The following PDE4D variants were observed in gnomAD, a reference collection of about 807,000 sequenced individuals.
PDE4D encodes the protein 3',5'-cyclic-AMP phosphodiesterase 4D.
Under a neutral mutation model 87.4 loss-of-function variants are expected in PDE4D, and 24 were observed. The ratio of observed to expected loss-of-function variants is 0.27; its 90% confidence interval spans 0.20 to 0.39. PDE4D has a LOEUF of 0.39. PDE4D is among the 10% of genes least tolerant of loss of function. The probability of loss-of-function intolerance (pLI) is 1.00; values close to 1 mark genes in which losing one functional copy is unlikely to be tolerated. For missense variants in PDE4D, 714 were observed against 1,041.0 expected, an observed-to-expected ratio of 0.69 and a Z score of 4.32; for synonymous variants, 384 against 383.2, an observed-to-expected ratio of 1.00 and a Z score of -0.02.
At chr5:60,062,931 G>A (rs986523717) in intron 2 of PDE4D, among the ~76,000 whole-genome samples, 1 of 152,018 alleles carries the variant, frequency 6.6e-6, no homozygotes, top group Admixed American at 6.6e-5. Context: ...GGGGGCACGA[G>A]GGGAGGGAGA....
intron 3 of PDE4D, among the ~76,000 whole-genome samples, chr5:59,926,481 G>A (rs971117046): frequency 9.2e-5 from 14 of 152,076 alleles, no homozygotes; most frequent in African/African-American, 1.2e-4. Context: ...AACCAAAAAC[G>A]AGCAGAAGAA....
At chr5:60,144,344 T>C (rs1780816597) in intron 2 of PDE4D, among the ~76,000 whole-genome samples, 1 of 152,318 alleles carries the variant, frequency 6.6e-6, no homozygotes, top group Middle Eastern at 3.4e-3. Flanking sequence ...AGAAATCCCA[T>C]ATTAAATGTG....
At chr5:60,364,618 A>C (rs1297640870) in intron 1 of PDE4D, among the ~76,000 whole-genome samples, 1 of 152,138 alleles carries the variant, frequency 6.6e-6, no homozygotes, top group East Asian at 1.9e-4. Context: ...TTTCTCAAGC[A>C]AAAAAATAAA....
At chr5:58,991,747 T>C (rs1352675073) in intron 8 of PDE4D, 85 bp downstream of exon 8, 7 of 883,864 alleles carry the variant, frequency 7.9e-6, no homozygotes, top group Non-Finnish European at 1.1e-5. Context: ...AATAAACTTT[T>C]CTATCCATTT....
intron 2 of PDE4D, among the ~76,000 whole-genome samples, chr5:60,024,926 C>G (rs1475741343): frequency 1.3e-5 from 2 of 151,686 alleles, no homozygotes; most frequent in Non-Finnish European, 2.9e-5. Context: ...GAAGTATCAT[C>G]AAGGTTTGTT....
chr5:59,638,036 T>A (rs1047219689), intron 1 of PDE4D, among the ~76,000 whole-genome samples: 1 of 152,216 alleles, frequency 6.6e-6, no homozygotes, highest in Non-Finnish European at 1.5e-5. Context: ...AATAAAATGA[T>A]TCATATTACT....
chr5:59,110,821 G>C (rs6898408), intron 5 of PDE4D, among the ~76,000 whole-genome samples: 42,659 of 152,060 alleles, frequency 0.28, 6,402 homozygotes, highest in Middle Eastern at 0.35. Context: ...GCAGTGAGCT[G>C]AGATGGTGCC....
At chr5:60,461,911 A>G (rs1442869470) in intron 1 of PDE4D, among the ~76,000 whole-genome samples, 1 of 152,224 alleles carries the variant, frequency 6.6e-6, no homozygotes, top group Non-Finnish European at 1.5e-5. Flanking sequence ...CATTATTCAC[A>G]TGAGAAACGT....
chr5:59,345,574 C>T (rs951653489), intron 1 of PDE4D, among the ~76,000 whole-genome samples: 3 of 152,132 alleles, frequency 2.0e-5, no homozygotes, highest in African/African-American at 7.2e-5. Context: ...GTGTGAATGG[C>T]TCACTGTTAC....
At chr5:59,782,029 G>A (rs1764689735) in intron 1 of PDE4D, among the ~76,000 whole-genome samples, 1 of 152,086 alleles carries the variant, frequency 6.6e-6, no homozygotes, top group Non-Finnish European at 1.5e-5. Flanking sequence ...GAAGGGATGA[G>A]AGTTTTGAGT....
Position 59,567,348 on chromosome 5 carries a change from T to C in PDE4D, c.455+325820A>G, listed in dbSNP as rs1273016191. Among the ~76,000 whole-genome samples the C allele has an allele frequency of 2.6e-5, 4 of 152,232 alleles. No homozygotes were observed. In the South Asian group the frequency reaches 8.3e-4, roughly 32 times the overall value. On this transcript the variant is annotated intron_variant, in intron 1 of 14. Coordinates refer to ENST00000340635, the MANE Select transcript of PDE4D (RefSeq NM_001104631.2). ...AGTTACCAGCAAGATACAGTCAACA[T>C]GTAGTTCTTTGGTGTCTGTCAAGAA... is the stretch of plus-strand genomic sequence containing the variant.
rs187703586 is a variant in PDE4D at position 60,431,487 on chromosome 5, G to A, written c.-90+56455C>T. ...ATCTCAGACGATGGGCGGCCGGGCA[G>A]AGACGCTCCTCACTTCCTAGATGGG... On this transcript the variant is annotated intron_variant, in intron 1 of 16. Transcript: ENST00000502484. 2.3e-3 allele frequency among the ~76,000 whole-genome samples: 346 copies of A among 152,000 alleles called. 2 individuals carry two copies. The highest frequency in any genetic ancestry group is 0.016 in the Admixed American group (241 of 15,284).
chr5:59,804,841 G>C (rs1001499820), intron 1 of PDE4D, among the ~76,000 whole-genome samples: 2 of 152,062 alleles, frequency 1.3e-5, no homozygotes, highest in Non-Finnish European at 2.9e-5. Flanking sequence ...ACCCAGGCTG[G>C]AGTGCAATGA....
chr5:59,093,270 T>C (rs953351262), intron 5 of PDE4D, among the ~76,000 whole-genome samples: 1 of 152,174 alleles, frequency 6.6e-6, no homozygotes. Flanking sequence ...ATTAAAATTA[T>C]ATGGAGCCTT....
chr5:60,513,187 C>T (rs965980812), intron 1 of PDE4D, among the ~76,000 whole-genome samples: 3 of 151,870 alleles, frequency 2.0e-5, no homozygotes, highest in East Asian at 1.9e-4. Flanking sequence ...CTGTATTAAA[C>T]AAAGCTATAT....
At chr5:59,033,497 A>C (rs1395355266) in intron 6 of PDE4D, among the ~76,000 whole-genome samples, 3 of 152,200 alleles carry the variant, frequency 2.0e-5, no homozygotes, top group Non-Finnish European at 4.4e-5. Context: ...CCTGCTGAAA[A>C]AGAGAAAACC....
chr5:59,037,024 G>C (rs1005348036), intron 6 of PDE4D, among the ~76,000 whole-genome samples: 3 of 151,728 alleles, frequency 2.0e-5, no homozygotes, highest in Admixed American at 6.6e-5. Context: ...TTAAATCCCT[G>C]TCTTATCTGG....
intron 1 of PDE4D, among the ~76,000 whole-genome samples, chr5:59,624,957 C>A (rs1384649549): frequency 6.6e-6 from 1 of 152,128 alleles, no homozygotes; most frequent in South Asian, 2.1e-4. Context: ...ATAGGAATTC[C>A]ACATCTTGGC....
intron 2 of PDE4D, among the ~76,000 whole-genome samples, chr5:60,090,132 A>T (rs1357279738): frequency 5.9e-5 from 9 of 152,284 alleles, no homozygotes; most frequent in African/African-American, 1.7e-4. Flanking sequence ...GTTTCAAAAA[A>T]ATTGAAGAGA....
Sources: allele counts gnomAD v4.1 joint callset (sites outside exome capture counted in the v4.1 genomes callset), GRCh38; gene constraint gnomAD v4.1.1; transcripts MANE v1.5; gene names NCBI Gene and HGNC (gene_info 2026-07-23, HGNC 2026-07-21).